The following GSE1 variants were observed in gnomAD, a reference collection of about 807,000 sequenced individuals.
GSE1 encodes the protein Gse1 coiled-coil protein.
Under a neutral mutation model 112.6 loss-of-function variants are expected in GSE1, and 32 were observed. That is an observed-to-expected ratio of 0.28 (90% confidence interval 0.21 to 0.38). The LOEUF is 0.38. Among genes scored for constraint, GSE1 ranks in the 10% least tolerant of loss-of-function variants. GSE1 has a pLI of 1.00. For synonymous variants in GSE1, 1,115 were observed against 735.6 expected, an observed-to-expected ratio of 1.52 and a Z score of -8.35; for missense variants, 2,348 against 1,699.2, an observed-to-expected ratio of 1.38 and a Z score of -6.71.
chr16:85,221,937 C>T (rs185852532), intron 1 of GSE1, among the ~76,000 whole-genome samples: 69 of 152,292 alleles, frequency 4.5e-4, no homozygotes, highest in Non-Finnish European at 7.9e-4. Flanking sequence ...CTGCCCCTCC[C>T]GGTCCCCGCC....
chr16:85,509,589 T>G (rs1209806148), intron 2 of GSE1, among the ~76,000 whole-genome samples: 2 of 152,218 alleles, frequency 1.3e-5, no homozygotes, highest in African/African-American at 2.4e-5. Flanking sequence ...GGGTGCCTGA[T>G]GACTGTGGAG....
chr16:85,357,692 T>C (rs1378914920), intron 2 of GSE1: 11 of 1,212,468 alleles, frequency 9.1e-6, no homozygotes, highest in Admixed American at 2.3e-5. Flanking sequence ...TGGGATGCGG[T>C]TGTCCCAGCA....
chr16:85,399,903 C>T (rs1439632858), intron 2 of GSE1, among the ~76,000 whole-genome samples: 1 of 152,206 alleles, frequency 6.6e-6, no homozygotes, highest in Non-Finnish European at 1.5e-5. Context: ...CTGGCCAGGG[C>T]AGACCCTGGG....
At chr16:85,319,713 C>T (rs956405029) in intron 1 of GSE1, among the ~76,000 whole-genome samples, 1 of 152,168 alleles carries the variant, frequency 6.6e-6, no homozygotes, top group Non-Finnish European at 1.5e-5. Context: ...TTTTAGAGGC[C>T]TCTCTTGGGG....
intron 2 of GSE1, among the ~76,000 whole-genome samples, chr16:85,545,487 A>G (rs2044664251): frequency 6.6e-6 from 1 of 152,150 alleles, no homozygotes; most frequent in Non-Finnish European, 1.5e-5. Flanking sequence ...CCTACCACAG[A>G]GAGATGAGAG....
intron 2 of GSE1, among the ~76,000 whole-genome samples, chr16:85,647,439 T>TC (rs2050967982): frequency 6.6e-6 from 1 of 152,210 alleles, no homozygotes; most frequent in South Asian, 2.1e-4. Flanking sequence ...GAATTATATC[T>TC]CATTTTCTGA....
chr16:85,654,346 G>A lies in GSE1; in HGVS notation c.495G>A (p.Glu165=). ...RLIVEPPLPQ[E]KAGGPAIPSH... is the part of the protein sequence containing the mutation. ...TTGTGGAGCCCCCGCTCCCTCAGGA[G>A]AAGGCAGGGGGACCAGCCATCCCCT... is the stretch of plus-strand genomic sequence containing the variant. The change falls in exon 4 of 16, where the codon GAG becomes GAA. Residue 165 remains glutamate, a synonymous_variant. Transcript: ENST00000253458. 1 of 1,612,316 alleles carries A rather than the reference G, an allele frequency of 6.2e-7. No homozygotes were observed. Among genetic ancestry groups the A allele is most frequent in the South Asian group, 1.1e-5 (1 of 91,044 alleles).
At chr16:85,355,892 G>T (rs4783171) in intron 1 of GSE1, among the ~76,000 whole-genome samples, 148,849 of 152,114 alleles carry the variant, frequency 0.98, 72,907 homozygotes, top group Middle Eastern at 1. Context: ...CCGGGCATGG[G>T]GGCGGGCACC....
intron 1 of GSE1, among the ~76,000 whole-genome samples, chr16:85,284,253 C>T (rs1051762629): frequency 3.3e-5 from 5 of 152,214 alleles, no homozygotes; most frequent in Admixed American, 2.6e-4. Context: ...GTAATCACAG[C>T]ATGTGGCGCG....
At chr16:85,229,730 G>C (rs965605596) in intron 1 of GSE1, among the ~76,000 whole-genome samples, 3 of 152,220 alleles carry the variant, frequency 2.0e-5, no homozygotes, top group African/African-American at 7.2e-5. Flanking sequence ...GGAAAGCGCA[G>C]TTCGCAGCTC....
intron 2 of GSE1, among the ~76,000 whole-genome samples, chr16:85,640,492 C>T (rs948188281): frequency 1.3e-5 from 2 of 152,200 alleles, no homozygotes; most frequent in Non-Finnish European, 1.5e-5. Context: ...CTGCCTGCCT[C>T]GTCTTGTCAC....
chr16:85,470,568 T>C (rs1158984601), intron 2 of GSE1, among the ~76,000 whole-genome samples: 2 of 152,202 alleles, frequency 1.3e-5, no homozygotes, highest in Admixed American at 6.5e-5. Context: ...CTTCACCCGA[T>C]GGGGCCAGAT....
chr16:85,193,225 C>T lies in GSE1; in HGVS notation c.2283+21418C>T, dbSNP rs145255318. On this transcript the variant is annotated intron_variant, in intron 1 of 2. Transcript: ENST00000637419. ...CTCCATTCATTCAATTCTTCGGTGT[C>T]TGTTTATTGAACACTCGTGACGTGG... Among the ~76,000 whole-genome samples, 190 of 152,318 alleles carry T rather than the reference C, an allele frequency of 1.2e-3. 2 individuals carry two copies. Among genetic ancestry groups the T allele is most frequent in the African/African-American group, 4.5e-3 (187 of 41,566 alleles).
intron 9 of GSE1, 40 bp downstream of exon 9, chr16:85,661,805 C>T (rs764096772): frequency 3.8e-5 from 55 of 1,450,680 alleles, no homozygotes; most frequent in Middle Eastern, 5.0e-4. Flanking sequence ...CAGGGAGAGC[C>T]GCACAGTGGG....
chr16:85,619,543 A>G (rs2151618728), intron 1 of GSE1, among the ~76,000 whole-genome samples: 1 of 152,284 alleles, frequency 6.6e-6, no homozygotes, highest in Middle Eastern at 3.4e-3. Flanking sequence ...ACGGGCCTGG[A>G]GGGACGGCAG....
rs775350316 is a variant in GSE1, at chr16:85,656,449, G to A, written c.1096G>A (p.Glu366Lys). 1.0e-5 allele frequency: 16 copies of A among 1,555,830 alleles called. No homozygotes were observed. In the Admixed American group the frequency reaches 1.1e-4, roughly 11 times the overall value. Residue 366 changes from glutamate to lysine, a missense_variant, in exon 7 of 16, where the codon GAG becomes AAG. By Grantham distance (56) the Glu-to-Lys change is moderately conservative. Transcript: ENST00000253458. Reference protein sequence around the residue: ...EREKEREREREKEREQEKERE... With the variant: ...EREKERERERKKEREQEKERE... ...GGAGAAGGAACGTGAGCGCGAACGC[G>A]AGAAGGAGCGCGAGCAAGAGAAGGA...
chr16:85,415,088 G>T (rs1360562626), intron 2 of GSE1, among the ~76,000 whole-genome samples: 1 of 152,148 alleles, frequency 6.6e-6, no homozygotes, highest in Non-Finnish European at 1.5e-5. Context: ...GGGACCTTGG[G>T]TGTGCACCAC....
At chr16:85,477,856 G>A (rs917004201) in intron 2 of GSE1, among the ~76,000 whole-genome samples, 1 of 152,084 alleles carries the variant, frequency 6.6e-6, no homozygotes, top group Non-Finnish European at 1.5e-5. Flanking sequence ...CACCGCGCCC[G>A]GCCTAGGGTT....
At chr16:85,474,871 A>G (rs1456128560) in intron 2 of GSE1, among the ~76,000 whole-genome samples, 1 of 151,698 alleles carries the variant, frequency 6.6e-6, no homozygotes, top group East Asian at 1.9e-4. Flanking sequence ...TCACCCTTCA[A>G]TCCTTATCTT....
Sources: gnomAD v4.1 joint callset for allele counts (sites outside exome capture counted in the v4.1 genomes callset) on GRCh38, gnomAD v4.1.1 for gene constraint, MANE v1.5 for transcripts, NCBI Gene and HGNC (gene_info 2026-07-23, HGNC 2026-07-21) for gene names.